Variants in GRB10 observed in about 807,000 individuals in gnomAD.
The protein encoded by GRB10 is growth factor receptor-bound protein 10.
In GRB10, 20 loss-of-function variants were observed where a neutral mutation model predicts 80.9. The ratio of observed to expected loss-of-function variants is 0.25; its 90% CI spans 0.17 to 0.36. The LOEUF (loss-of-function observed/expected upper bound fraction) is 0.36, where lower values mean the gene tolerates loss of function less well. Among genes scored for constraint, GRB10 ranks in the 10% least tolerant of loss-of-function variants. GRB10 has a pLI of 1.00. For synonymous variants in GRB10, 291 were observed against 291.5 expected, an observed-to-expected ratio of 1.00 and a Z score of 0.02; for missense variants, 548 against 747.7, an observed-to-expected ratio of 0.73 and a Z score of 3.12.
intron 2 of GRB10, among the ~76,000 whole-genome samples, chr7:50,766,512 AAG>A (rs2076354043): frequency 1.3e-5 from 2 of 152,358 alleles, no homozygotes; most frequent in Non-Finnish European, 2.9e-5. Context: ...TTAAAGAAAA[AAG>A]GATACACCTC....
In GRB10 at chr7:50,675,007, G is replaced by A. The variant is rs537387385; in HGVS notation, c.140-349C>T. On this transcript the variant is annotated intron_variant, in intron 5 of 18. Coordinates refer to ENST00000401949, the MANE Select transcript of GRB10 (RefSeq NM_001350814.2). ...GCACACAGCCACAGCTGCATAGCAC[G>A]ACCCCACTGGCCTGGACTCAGCTGA... 5.9e-5 allele frequency among the ~76,000 whole-genome samples: 9 copies of A among 152,106 alleles called. No individual in the cohort carries two copies. In the South Asian group the frequency reaches 1.3e-3, roughly 21 times the overall value.
intron 7 of GRB10, among the ~76,000 whole-genome samples, chr7:50,654,745 T>TC (rs2153621826): frequency 6.6e-6 from 1 of 152,272 alleles, no homozygotes; most frequent in African/African-American, 2.4e-5. Flanking sequence ...TTTATCAAAT[T>TC]CCCATTCTCT....
At position 50,768,260 on chromosome 7, in the gene GRB10, T is replaced by C. The variant is rs374544401; in HGVS notation, c.-216-12204A>G. On this transcript the variant is annotated intron_variant, in intron 2 of 18. Transcript: ENST00000401949. ...AGTAAACAACCTGTAATTTGGCAAA[T>C]AATTTAGAAAAATCGATGCAGGAAG... Among the ~76,000 whole-genome samples, 8 of 152,314 alleles carry C rather than the reference T, an allele frequency of 5.3e-5. No homozygotes were observed. In the East Asian group the frequency reaches 1.5e-3, roughly 29 times the overall value.
intron 2 of GRB10, among the ~76,000 whole-genome samples, chr7:50,775,788 A>C (rs1404520834): frequency 6.6e-6 from 1 of 152,218 alleles, no homozygotes; most frequent in Non-Finnish European, 1.5e-5. Context: ...TTGCAGACTT[A>C]GCGCCATGTG....
At chr7:50,782,939 G>C (rs1019918406), upstream of GRB10, 1 of 152,560 alleles carries the variant, frequency 6.6e-6, no homozygotes, top group African/African-American at 2.4e-5. This position sits in a 1 kb window ranked among gnomAD's most constrained non-coding sequence, Gnocchi z 6.6. Flanking sequence ...AACGCCCGGC[G>C]GGGGCCCTCT....
chr7:50,732,383 G>T lies in GRB10; in HGVS notation c.-46-15C>A. On this transcript the variant is annotated splice_polypyrimidine_tract_variant and intron_variant, in intron 3 of 18. Transcript: ENST00000401949. ...CGCTGCAGCACCTGGAATAAAGACA[G>T]ACTGTGAGAAGCCAAGCCAGAAAAA... The T allele has an allele frequency of 7.0e-7, 1 of 1,421,956 alleles. No homozygotes were observed. The highest frequency in any genetic ancestry group is 1.2e-5 in the South Asian group (1 of 84,754). The allele number at this position is 1,421,956 out of a possible 1,614,324, so 88.1% of individuals were successfully genotyped here.
intron 2 of GRB10, chr7:50,761,972 C>G (rs1252983327): frequency 6.6e-6 from 1 of 152,146 alleles, no homozygotes; most frequent in Non-Finnish European, 1.5e-5. Context: ...TTCCTGAGGA[C>G]GCCTCAGAAG....
chr7:50,590,850 A>C lies in GRB10; in HGVS notation c.*2102T>G, dbSNP rs2045768121. On this transcript the variant is annotated 3_prime_UTR_variant, in exon 19 of 19. Transcript: ENST00000401949. ...AAACCAGCTACATACAAAACTGTGA[A>C]TCAGAGTCAAGCTTTTGTTCTCCTT... 1 of 152,258 alleles carries C rather than the reference A, an allele frequency of 6.6e-6. No homozygotes were observed. The highest frequency in any genetic ancestry group is 1.5e-5 in the Non-Finnish European group (1 of 68,042). The allele number at this position is 152,258 out of a possible 1,614,324, so 9.4% of individuals were successfully genotyped here.
intron 3 of GRB10, among the ~76,000 whole-genome samples, chr7:50,749,666 A>G (rs920171356): frequency 2.0e-5 from 3 of 152,188 alleles, no homozygotes; most frequent in African/African-American, 7.2e-5. Context: ...CTAGGTAATC[A>G]TCTTCTAATG....
rs2046328650 is a variant in GRB10, at chr7:50,594,695, G to A, written c.1638+742C>T. Reference sequence around the variant, plus strand: ...GTATTCTCAACTAAACTGAATTCTTGTAGGCGCTGATCTAGCACTCTAATC... The same window carrying A: ...GTATTCTCAACTAAACTGAATTCTTATAGGCGCTGATCTAGCACTCTAATC... On this transcript the variant is annotated intron_variant, in intron 18 of 18. Transcript: ENST00000401949. Among the ~76,000 whole-genome samples, 5 of 152,174 alleles carry A rather than the reference G, an allele frequency of 3.3e-5. No homozygotes were observed. In the South Asian group the frequency reaches 1.0e-3, roughly 32 times the overall value.
chr7:50,605,201 G>A (rs1043572822), intron 15 of GRB10, 89 bp downstream of exon 15: 45 of 990,612 alleles, frequency 4.5e-5, no homozygotes, highest in South Asian at 1.3e-4. Context: ...TTGCCAACCC[G>A]CATAGAGCTG....
At chr7:50,784,318 T>C (rs1245804951), upstream of GRB10, among the ~76,000 whole-genome samples, 1 of 152,230 alleles carries the variant, frequency 6.6e-6, no homozygotes, top group Non-Finnish European at 1.5e-5. Flanking sequence ...CTGGGAGAAC[T>C]TGGCTTTCCT....
At chr7:50,756,185 G>C (rs2075051751) in intron 2 of GRB10, 129 bp from the exon 3 acceptor site, 1 of 397,418 alleles carries the variant, frequency 2.5e-6, no homozygotes, top group Non-Finnish European at 4.4e-6. Context: ...GATCATTTAA[G>C]AGTGTTCTGA....
Position 50,616,303 on chromosome 7 carries a change from C to A in GRB10, c.891G>T (p.Leu297Phe). 6.2e-7 allele frequency: 1 copy of A among 1,614,114 alleles called. No individual in the cohort carries two copies. The change falls in exon 11 of 19, where the codon TTG becomes TTT. Residue 297 changes from leucine to phenylalanine, a missense_variant. Coordinates refer to ENST00000401949, the MANE Select transcript of GRB10 (RefSeq NM_001350814.2). ...SSSCPEIQGFLHVKELGKKSW... is the reference protein window; with the variant it reads ...SSSCPEIQGFFHVKELGKKSW... The stretch of plus-strand genomic sequence containing the variant: ...ATTTCTTTCCCAGCTCTTTCACATG[C>A]AAAAACCCTTGAATTTCAGGACAAC...
At chr7:50,747,850 A>T (rs2073268713) in intron 3 of GRB10, among the ~76,000 whole-genome samples, 1 of 152,060 alleles carries the variant, frequency 6.6e-6, no homozygotes. Context: ...GCGTCTCCAG[A>T]CATCGAGATA....
intron 5 of GRB10, among the ~76,000 whole-genome samples, chr7:50,699,878 G>A (rs926626100): frequency 6.6e-6 from 1 of 152,158 alleles, no homozygotes; most frequent in African/African-American, 2.4e-5. Flanking sequence ...GCTCATGCCT[G>A]TAATCCCAAC....
At chr7:50,768,034 G>C (rs2076542876) in intron 2 of GRB10, among the ~76,000 whole-genome samples, 1 of 152,092 alleles carries the variant, frequency 6.6e-6, no homozygotes, top group African/African-American at 2.4e-5. Flanking sequence ...TCAGCATTCT[G>C]CTTCCCAAAA....
At chr7:50,596,470 C>T (rs536947375) in intron 17 of GRB10, among the ~76,000 whole-genome samples, 1 of 152,332 alleles carries the variant, frequency 6.6e-6, no homozygotes, top group East Asian at 1.9e-4. Context: ...TTGGCTTCTA[C>T]TCGAAACGCA....
intron 4 of GRB10, chr7:50,705,085 T>C: frequency 2.1e-6 from 2 of 936,060 alleles, no homozygotes; most frequent in Non-Finnish European, 2.5e-6. Context: ...AGAGCCCTCC[T>C]TGCTCACGCA....
Sources: gnomAD v4.1 joint callset for allele counts (sites outside exome capture counted in the v4.1 genomes callset) on GRCh38, gnomAD v4.1.1 for gene constraint, Gnocchi (gnomAD v3.1) non-coding constraint, MANE v1.5 for transcripts, NCBI Gene and HGNC (gene_info 2026-07-23, HGNC 2026-07-21) for gene names.